The following PHKA1 variants were observed in gnomAD, a reference collection of about 807,000 sequenced individuals.
PHKA1 encodes the protein phosphorylase b kinase regulatory subunit alpha, skeletal muscle isoform.
Under a neutral mutation model 110.2 loss-of-function variants are expected in PHKA1, and 60 were observed. The ratio of observed to expected loss-of-function variants is 0.54; its 90% CI spans 0.44 to 0.68. The LOEUF is 0.68. Ranked by LOEUF, PHKA1 falls within the 30% of genes least tolerant of loss-of-function variation. PHKA1 has a pLI of 0.00. For missense variants in PHKA1, 801 were observed against 942.5 expected (o/e 0.85, Z 1.97); for synonymous variants, 316 against 333.6 (o/e 0.95, Z 0.58).
intron 5 of PHKA1, among the ~76,000 whole-genome samples, chrX:72,681,475 G>C (rs1556315223): frequency 1.1e-5 from 1 of 91,663 alleles, no homozygotes; most frequent in South Asian, 5.5e-4. Flanking sequence ...CCGGCCAGCC[G>C]TGCCATCCGG....
At chrX:72,591,309 A>C (rs781869616) in intron 29 of PHKA1, among the ~76,000 whole-genome samples, 1 of 111,579 alleles carries the variant, frequency 9.0e-6, no homozygotes, top group Non-Finnish European at 1.9e-5. Flanking sequence ...AACTATCACA[A>C]GGACAGAAAA....
chrX:72,599,745 T>C (rs967074348), intron 28 of PHKA1: 4 of 460,665 alleles, frequency 8.7e-6, no homozygotes, highest in Non-Finnish European at 1.6e-5. Context: ...AACCAGTATA[T>C]GTCATGATTT....
intron 3 of PHKA1, among the ~76,000 whole-genome samples, chrX:72,697,763 T>C (rs1289002634): frequency 2.7e-5 from 3 of 109,501 alleles, no homozygotes; most frequent in Non-Finnish European, 5.7e-5. Flanking sequence ...GGCGGGTGGA[T>C]CACGAGGTCA....
intron 1 of PHKA1, among the ~76,000 whole-genome samples, chrX:72,713,453 G>A (rs2054413702): frequency 9.0e-6 from 1 of 111,313 alleles, no homozygotes; most frequent in South Asian, 3.8e-4. Flanking sequence ...AGTCTGAAAT[G>A]TGGGTATTAT....
chrX:72,590,836 G>A (rs1367496305), intron 29 of PHKA1, among the ~76,000 whole-genome samples: 1 of 112,397 alleles, frequency 8.9e-6, no homozygotes, highest in Admixed American at 9.4e-5. Context: ...GGTCATCAGA[G>A]AAATGCAAAT....
chrX:72,710,373 A>G (rs2054353725), intron 2 of PHKA1, among the ~76,000 whole-genome samples: 1 of 112,121 alleles, frequency 8.9e-6, no homozygotes, highest in African/African-American at 3.2e-5. Flanking sequence ...AGATTTGGTT[A>G]TAAGCAGCCT....
At chrX:72,594,361 C>T (rs2052562706) in intron 28 of PHKA1, among the ~76,000 whole-genome samples, 1 of 109,408 alleles carries the variant, frequency 9.1e-6, no homozygotes. Context: ...CATATGAATC[C>T]CCAATTTTTT....
rs782218125 is a variant in PHKA1, at chrX:72,608,310, A to G, written c.2606+1314T>C. ...GCTGAGCTGGTATCCAACTTGCAAG[A>G]TAAAGTCCTCTTTACTATTTCCTCT... On this transcript the variant is annotated intron_variant, in intron 23 of 31. Coordinates refer to ENST00000373542, the MANE Select transcript of PHKA1 (RefSeq NM_002637.4). 1.1e-4 allele frequency among the ~76,000 whole-genome samples: 12 copies of G among 111,207 alleles called. No individual in the cohort carries two copies. The South Asian group carries it at 4.6e-3, about 43-fold the overall frequency.
intron 8 of PHKA1, among the ~76,000 whole-genome samples, chrX:72,661,317 T>C (rs2053556201): frequency 9.0e-6 from 1 of 111,692 alleles, no homozygotes; most frequent in African/African-American, 3.3e-5. Context: ...AGATTTTATA[T>C]TCTAGTAGTC....
intron 21 of PHKA1, among the ~76,000 whole-genome samples, chrX:72,618,370 G>C (rs2052927891): frequency 1.8e-5 from 2 of 111,542 alleles, no homozygotes; most frequent in African/African-American, 6.5e-5. Context: ...TACTTTTCTT[G>C]AGTTAAAAAC....
At chrX:72,590,961 G>A (rs1204616422) in intron 29 of PHKA1, among the ~76,000 whole-genome samples, 1 of 111,970 alleles carries the variant, frequency 8.9e-6, no homozygotes, top group Non-Finnish European at 1.9e-5. Flanking sequence ...TACACTGTTG[G>A]TGGGAGTGTA....
intron 28 of PHKA1, among the ~76,000 whole-genome samples, chrX:72,594,524 A>G (rs1424048312): frequency 8.9e-6 from 1 of 112,729 alleles, no homozygotes; most frequent in Non-Finnish European, 1.9e-5. Flanking sequence ...CATAATCTCA[A>G]TGAAACAGAC....
chrX:72,627,811 CTTTTTTTTTT>C (rs1160541868), intron 16 of PHKA1, among the ~76,000 whole-genome samples: 4 of 67,869 alleles, frequency 5.9e-5, no homozygotes, highest in African/African-American at 2.9e-4. Context: ...TTTTCCTACA[CTTTTTTTTTT>C]TTTTTTTTTT....
At chrX:72,699,352 A>T (rs1245151292) in intron 3 of PHKA1, among the ~76,000 whole-genome samples, 5 of 107,567 alleles carry the variant, frequency 4.6e-5, no homozygotes, top group Non-Finnish European at 9.6e-5. Context: ...AAAATACAAA[A>T]AAAAATTAGC....
At chrX:72,644,210 G>C (rs900494275) in intron 14 of PHKA1, 152 bp downstream of exon 14, 1 of 600,132 alleles carries the variant, frequency 1.7e-6, no homozygotes, top group Non-Finnish European at 2.7e-6. Context: ...GCTCAGAATA[G>C]AGAAGGTAAG....
At chrX:72,616,238 T>C (rs886363112) in intron 21 of PHKA1, among the ~76,000 whole-genome samples, 16 of 111,540 alleles carry the variant, frequency 1.4e-4, no homozygotes, top group Admixed American at 1.9e-4. Context: ...CATGGTGGCA[T>C]GCACCTGTGG....
chrX:72,707,630 CGTGTGTGTGTGT>C (rs61504690), intron 2 of PHKA1, among the ~76,000 whole-genome samples: 452 of 93,649 alleles, frequency 4.8e-3, no homozygotes, highest in Non-Finnish European at 5.4e-3. Context: ...ATCAAAAAAT[CGTGTGTGTGTGT>C]GTGTGTGTGT....
chrX:72,588,949 C>CA (rs1169476418), intron 29 of PHKA1, among the ~76,000 whole-genome samples: 1 of 110,414 alleles, frequency 9.1e-6, no homozygotes, highest in Non-Finnish European at 1.9e-5. Context: ...GCCTACCAAC[C>CA]AAAAAAAAGT....
chrX:72,620,856 G>T lies in PHKA1; in HGVS notation c.2006C>A (p.Ala669Glu), dbSNP rs1556276769. 1 of 1,208,047 alleles carries T rather than the reference G, an allele frequency of 8.3e-7. No homozygotes were observed. Among genetic ancestry groups the T allele is most frequent in the Admixed American group, 2.2e-5 (1 of 45,453 alleles). ...EVARYLDHLL[A>E]HTAPHPKLAP... ...TAGTTTAGGATGGGGAGCAGTGTGC[G>T]CCAAAAGGTGATCTAAATAACGAGC... The change falls in exon 19 of 32, where the codon GCG becomes GAG. Residue 669 changes from alanine (A) to glutamate (E), a missense_variant. Ala to Glu is a moderately radical substitution (Grantham distance 107). This residue lies in a region of PHKA1 where 502 missense variants were observed against 519.2 expected (regional missense o/e 0.97). Transcript: ENST00000373542.
Sources: allele counts gnomAD v4.1 joint callset (sites outside exome capture counted in the v4.1 genomes callset), GRCh38; gene constraint gnomAD v4.1.1; regional missense constraint gnomAD v4.1.1; transcripts MANE v1.5; gene names NCBI Gene and HGNC (gene_info 2026-07-23, HGNC 2026-07-21).